Variants in DNAJC3 observed in about 807,000 individuals in gnomAD.
The protein encoded by DNAJC3 is DnaJ heat shock protein family (Hsp40) member C3.
Under a neutral mutation model 68.6 loss-of-function variants are expected in DNAJC3, and 38 were observed. That is an observed-to-expected ratio of 0.55 (90% CI 0.43 to 0.73). DNAJC3 has a LOEUF of 0.73. DNAJC3 is among the 30% of genes least tolerant of loss of function. DNAJC3 has a pLI of 0.00. For synonymous variants in DNAJC3, 203 were observed against 204.0 expected, an observed-to-expected ratio of 1.00 and a Z score of 0.04; for missense variants, 526 against 591.9, an observed-to-expected ratio of 0.89 and a Z score of 1.16.
intron 11 of DNAJC3, among the ~76,000 whole-genome samples, chr13:95,789,024 G>A (rs17880323): frequency 7.3e-4 from 111 of 152,230 alleles, no homozygotes; most frequent in Admixed American, 1.3e-3. Context: ...TTTTCTCTAA[G>A]TATCTTTGAA....
intron 1 of DNAJC3, among the ~76,000 whole-genome samples, chr13:95,704,491 T>A (rs76893729): frequency 1.6e-3 from 246 of 152,324 alleles, no homozygotes; most frequent in African/African-American, 5.5e-3. Flanking sequence ...TAAAACCAGT[T>A]AATCTTAGTG....
intron 3 of DNAJC3, among the ~76,000 whole-genome samples, 160 bp downstream of exon 3, chr13:95,723,526 G>A (rs1881411970): frequency 6.6e-6 from 1 of 152,156 alleles, no homozygotes; most frequent in African/African-American, 2.4e-5. Context: ...AAAGTCCCTA[G>A]AATCAAAGAT....
intron 4 of DNAJC3, among the ~76,000 whole-genome samples, chr13:95,750,543 T>A (rs1329371281): frequency 6.6e-6 from 1 of 151,722 alleles, no homozygotes; most frequent in Non-Finnish European, 1.5e-5. Context: ...GGAGTTTTGG[T>A]CTGTTGCCCA....
chr13:95,715,163 A>C (rs575555632), intron 2 of DNAJC3, among the ~76,000 whole-genome samples: 5 of 152,360 alleles, frequency 3.3e-5, no homozygotes, highest in Non-Finnish European at 7.3e-5. Context: ...TCGAAGGCTG[A>C]GGCAGGAGGA....
At chr13:95,698,087 C>T (rs1433490515) in intron 1 of DNAJC3, among the ~76,000 whole-genome samples, 1 of 140,972 alleles carries the variant, frequency 7.1e-6, no homozygotes, top group Non-Finnish European at 1.5e-5. Context: ...TTTGAATTTA[C>T]TTCATTTAAA....
At chr13:95,753,682 G>T (rs1197959779) in intron 4 of DNAJC3, among the ~76,000 whole-genome samples, 1 of 152,124 alleles carries the variant, frequency 6.6e-6, no homozygotes, top group Admixed American at 6.6e-5. Flanking sequence ...TAATACAAGG[G>T]ACCCAGTTTA....
chr13:95,725,097 A>G, intron 3 of DNAJC3, 81 bp from the exon 4 acceptor site: 1 of 887,830 alleles, frequency 1.1e-6, no homozygotes, highest in Non-Finnish European at 1.6e-6. Context: ...TAATTTGTTT[A>G]TTTAGTTTTA....
At chr13:95,731,348 G>T (rs1438949220) in intron 4 of DNAJC3, among the ~76,000 whole-genome samples, 1 of 152,128 alleles carries the variant, frequency 6.6e-6, no homozygotes, top group Non-Finnish European at 1.5e-5. Flanking sequence ...GAGTAGGAGT[G>T]GTGAAGGTGA....
chr13:95,708,509 C>T (rs1335027039), intron 1 of DNAJC3, among the ~76,000 whole-genome samples: 1 of 152,166 alleles, frequency 6.6e-6, no homozygotes, highest in African/African-American at 2.4e-5. Context: ...ATGCTCCCGA[C>T]TTAGGACCCT....
At chr13:95,736,230 T>A (rs990498058) in intron 4 of DNAJC3, among the ~76,000 whole-genome samples, 1 of 152,180 alleles carries the variant, frequency 6.6e-6, no homozygotes, top group Non-Finnish European at 1.5e-5. Context: ...TGTAGCCTTG[T>A]AGTATAGTTT....
chr13:95,691,357 A>C (rs2139605517), intron 1 of DNAJC3, among the ~76,000 whole-genome samples: 1 of 148,760 alleles, frequency 6.7e-6, no homozygotes, highest in East Asian at 2.1e-4. Flanking sequence ...TGCCAGGCAG[A>C]GGGTCTCCTC....
Position 95,688,111 on chromosome 13 carries a change from T to C in DNAJC3, c.82+10774T>C, listed in dbSNP as rs568041950. Among the ~76,000 whole-genome samples, 35 of 152,380 alleles carry C rather than the reference T, an allele frequency of 2.3e-4. No homozygotes were observed. In the South Asian group the frequency reaches 7.2e-3, roughly 32 times the overall value. Reference sequence around the variant, plus strand: ...TGTCAGTGTATATAAATGTTACTGCTGCTTGTACATTAATTTTATATCCTG... The same window carrying C: ...TGTCAGTGTATATAAATGTTACTGCCGCTTGTACATTAATTTTATATCCTG... On this transcript the variant is annotated intron_variant, in intron 1 of 11. Coordinates refer to ENST00000602402, the MANE Select transcript of DNAJC3 (RefSeq NM_006260.5).
chr13:95,698,252 AC>A (rs1173695061), intron 1 of DNAJC3, among the ~76,000 whole-genome samples: 1 of 151,994 alleles, frequency 6.6e-6, no homozygotes, highest in Non-Finnish European at 1.5e-5. Flanking sequence ...GGTGGTACTT[AC>A]TGGTATGAGC....
chr13:95,696,111 A>G (rs1243749819), intron 1 of DNAJC3, among the ~76,000 whole-genome samples: 1 of 152,176 alleles, frequency 6.6e-6, no homozygotes, highest in Non-Finnish European at 1.5e-5. Context: ...TCATTCAGAC[A>G]TTACACTCAC....
chr13:95,723,911 GT>G (rs1189330351), intron 3 of DNAJC3, among the ~76,000 whole-genome samples: 1 of 152,220 alleles, frequency 6.6e-6, no homozygotes, highest in East Asian at 1.9e-4. Context: ...TGTGACAGAT[GT>G]GTGAACAGGG....
chr13:95,732,403 A>C (rs1234951609), intron 4 of DNAJC3, among the ~76,000 whole-genome samples: 1 of 152,156 alleles, frequency 6.6e-6, no homozygotes, highest in Non-Finnish European at 1.5e-5. Flanking sequence ...CAGCCTTGGT[A>C]GGCTGTAGGT....
chr13:95,677,199 C>A lies in DNAJC3; in HGVS notation c.-57C>A, dbSNP rs1002722840. 1 of 1,527,398 alleles carries A rather than the reference C, an allele frequency of 6.5e-7. No homozygotes were observed. Among genetic ancestry groups the A allele is most frequent in the Admixed American group, 1.8e-5 (1 of 54,442 alleles). 94.6% of individuals were successfully genotyped at this position (1,527,398 alleles called of 1,614,324 possible). On this transcript the variant is annotated 5_prime_UTR_variant, in exon 1 of 12. Coordinates refer to ENST00000602402, the MANE Select transcript of DNAJC3 (RefSeq NM_006260.5). ...GCGGGCGCAGCTGCTGCCGGAGCGC[C>A]GGCGCGTGCTGGTGGGCCACACACC...
Position 95,709,210 on chromosome 13 carries a change from T to C in DNAJC3, c.83-17T>C. On this transcript the variant is annotated splice_polypyrimidine_tract_variant and intron_variant, in intron 1 of 11. Transcript: ENST00000602402. ...GTTCGTGGAAAGTTAACTGATTGTTTTTAATTTTATTTTTAGGTGCTGAAT... is the reference window on the plus strand; with the variant it reads ...GTTCGTGGAAAGTTAACTGATTGTTCTTAATTTTATTTTTAGGTGCTGAAT... 1 of 1,498,124 alleles carries C rather than the reference T, an allele frequency of 6.7e-7. No individual in the cohort carries two copies. The highest frequency in any genetic ancestry group is 8.9e-7 in the Non-Finnish European group (1 of 1,118,478). The allele number at this position is 1,498,124 out of a possible 1,614,324, so 92.8% of individuals were successfully genotyped here.
At chr13:95,776,534 C>G (rs1272089306) in intron 9 of DNAJC3, among the ~76,000 whole-genome samples, 1 of 152,070 alleles carries the variant, frequency 6.6e-6, no homozygotes, top group African/African-American at 2.4e-5. Context: ...TTGCATTGAT[C>G]GATATGACAG....
Sources: gnomAD v4.1 joint callset for allele counts (sites outside exome capture counted in the v4.1 genomes callset) on GRCh38, gnomAD v4.1.1 for gene constraint, MANE v1.5 for transcripts, NCBI Gene and HGNC (gene_info 2026-07-23, HGNC 2026-07-21) for gene names.